Variants in MSANTD3 observed in about 807,000 individuals in gnomAD.
MSANTD3 encodes myb/SANT-like DNA-binding domain-containing protein 3.
In MSANTD3, 11 loss-of-function variants were observed where a neutral mutation model predicts 27.7. That is an observed-to-expected ratio of 0.40 (90% confidence interval 0.25 to 0.66). MSANTD3 has a LOEUF of 0.66. Ranked by LOEUF, MSANTD3 falls within the 30% of genes least tolerant of loss-of-function variation. The pLI, the probability that MSANTD3 is intolerant of heterozygous loss-of-function variation, is 0.41. For missense variants in MSANTD3, 250 were observed against 336.5 expected, an observed-to-expected ratio of 0.74 and a Z score of 2.01; for synonymous variants, 131 against 127.2, an observed-to-expected ratio of 1.03 and a Z score of -0.20.
intron 1 of MSANTD3, among the ~76,000 whole-genome samples, chr9:100,434,314 G>C (rs1452328456): frequency 2.0e-5 from 3 of 152,140 alleles, no homozygotes; most frequent in African/African-American, 4.8e-5. Context: ...GATCACCTGA[G>C]GTCAGGAGTT....
At chr9:100,447,397 A>G (rs548152836) in intron 2 of MSANTD3, among the ~76,000 whole-genome samples, 1 of 152,192 alleles carries the variant, frequency 6.6e-6, no homozygotes, top group African/African-American at 2.4e-5. Context: ...TTTGGATGTT[A>G]GCACACATTT....
chr9:100,435,601 T>A (rs576907568), intron 1 of MSANTD3, among the ~76,000 whole-genome samples: 2 of 152,318 alleles, frequency 1.3e-5, no homozygotes, highest in South Asian at 2.1e-4. Context: ...ATCAAGGTGT[T>A]GGCAAGTTAG....
chr9:100,449,726 G>C (rs149466346), intron 2 of MSANTD3, among the ~76,000 whole-genome samples: 2 of 152,132 alleles, frequency 1.3e-5, no homozygotes, highest in African/African-American at 4.8e-5. Context: ...AGTTTACTTA[G>C]GGCAGATAAG....
Position 100,434,457 on chromosome 9 carries a change from G to C in MSANTD3, c.-34+7064G>C, listed in dbSNP as rs141854779. Among the ~76,000 whole-genome samples the C allele has an allele frequency of 5.9e-3, 902 of 152,182 alleles. 9 individuals are homozygous for C. The highest frequency in any genetic ancestry group is 0.02 in the African/African-American group (841 of 41,530). On this transcript the variant is annotated intron_variant, in intron 1 of 2. Transcript: ENST00000395067. ...AAGCAGGAGTATTGTTTGAACCCAG[G>C]AGGCGGAGGTTGCAGTGAGCCGAGA...
chr9:100,441,639 C>A (rs74396159), intron 1 of MSANTD3, among the ~76,000 whole-genome samples: 16 of 148,494 alleles, frequency 1.1e-4, no homozygotes, highest in Non-Finnish European at 6.0e-5. Flanking sequence ...GACTCCGTTT[C>A]AAAAAAAAAA....
chr9:100,451,226 C>T lies in MSANTD3; in HGVS notation c.*260C>T, dbSNP rs571694304. ...TAATGTCTCTTAATTAGAATTCATACAAGAACCACGTGTGAGTGTTGTTGT... is the reference window on the plus strand; with the variant it reads ...TAATGTCTCTTAATTAGAATTCATATAAGAACCACGTGTGAGTGTTGTTGT... On this transcript the variant is annotated 3_prime_UTR_variant, in exon 3 of 3. Coordinates refer to ENST00000395067, the MANE Select transcript of MSANTD3 (RefSeq NM_080655.3). 4 of 363,946 alleles carry T rather than the reference C, an allele frequency of 1.1e-5. No individual in the cohort carries two copies. Among genetic ancestry groups the T allele is most frequent in the African/African-American group, 8.4e-5 (4 of 47,760 alleles). 22.5% of individuals were successfully genotyped at this position (363,946 alleles called of 1,614,324 possible).
intron 1 of MSANTD3, among the ~76,000 whole-genome samples, chr9:100,429,260 T>G (rs1474610946): frequency 2.0e-5 from 3 of 152,164 alleles, no homozygotes; most frequent in Admixed American, 1.3e-4. Flanking sequence ...AGCAATTGCT[T>G]TGGAGAGATA....
At chr9:100,427,860 G>C (rs779981886) in intron 1 of MSANTD3, among the ~76,000 whole-genome samples, 2 of 152,136 alleles carry the variant, frequency 1.3e-5, no homozygotes, top group Non-Finnish European at 2.9e-5. Context: ...GATGAAGGCC[G>C]AGCATCACAT....
chr9:100,432,884 T>G (rs1836405053), intron 1 of MSANTD3, among the ~76,000 whole-genome samples: 1 of 152,210 alleles, frequency 6.6e-6, no homozygotes. Context: ...AAAACCATTT[T>G]AATGGCAGTG....
chr9:100,438,396 A>T (rs1028417910), intron 1 of MSANTD3, among the ~76,000 whole-genome samples: 2 of 152,098 alleles, frequency 1.3e-5, no homozygotes, highest in African/African-American at 2.4e-5. Flanking sequence ...ATCTTGAAGA[A>T]CTAAAATAGA....
At chr9:100,427,862 G>GCAT (rs1333381718) in intron 1 of MSANTD3, among the ~76,000 whole-genome samples, 1 of 152,134 alleles carries the variant, frequency 6.6e-6, no homozygotes, top group South Asian at 2.1e-4. Flanking sequence ...TGAAGGCCGA[G>GCAT]CATCACATCC....
intron 2 of MSANTD3, 61 bp from the exon 3 acceptor site, chr9:100,450,496 G>A: frequency 9.0e-7 from 1 of 1,112,366 alleles, no homozygotes; most frequent in Non-Finnish European, 1.2e-6. Flanking sequence ...AATAGGATTG[G>A]TTTTTTTTTT....
chr9:100,435,642 G>GT (rs1164476739), intron 1 of MSANTD3, among the ~76,000 whole-genome samples: 4 of 152,310 alleles, frequency 2.6e-5, no homozygotes, highest in African/African-American at 9.6e-5. Context: ...CTGTTGGCTT[G>GT]TAGGTGGTGG....
At chr9:100,436,265 C>T (rs1312875609) in intron 1 of MSANTD3, among the ~76,000 whole-genome samples, 1 of 152,184 alleles carries the variant, frequency 6.6e-6, no homozygotes, top group Non-Finnish European at 1.5e-5. Flanking sequence ...CACCCTGCCT[C>T]AGCCTCCCAA....
chr9:100,432,809 C>T (rs1318839749), intron 1 of MSANTD3, among the ~76,000 whole-genome samples: 2 of 152,206 alleles, frequency 1.3e-5, no homozygotes, highest in Non-Finnish European at 2.9e-5. Flanking sequence ...CCACCAGTCT[C>T]ATAAATAATC....
intron 2 of MSANTD3, chr9:100,444,035 A>C (rs1836694102): frequency 6.6e-6 from 1 of 152,236 alleles, no homozygotes; most frequent in Admixed American, 6.5e-5. Flanking sequence ...AGCAGTCTAA[A>C]GCCAGGAATG....
chr9:100,445,569 T>C (rs1049756539), intron 2 of MSANTD3, among the ~76,000 whole-genome samples: 18 of 152,268 alleles, frequency 1.2e-4, no homozygotes, highest in Non-Finnish European at 2.2e-4. Flanking sequence ...TTTATTTTTC[T>C]AATGTTGCTC....
intron 1 of MSANTD3, among the ~76,000 whole-genome samples, chr9:100,439,604 G>C (rs530282423): frequency 6.6e-6 from 1 of 151,754 alleles, no homozygotes; most frequent in Non-Finnish European, 1.5e-5. Context: ...CCGCCCCCCG[G>C]GGTCAAGCAA....
chr9:100,438,951 T>G (rs1462888366), intron 1 of MSANTD3, among the ~76,000 whole-genome samples: 1 of 152,148 alleles, frequency 6.6e-6, no homozygotes, highest in Non-Finnish European at 1.5e-5. Context: ...TCCCCAAAGA[T>G]AAATGTCCGC....
Sources: gnomAD v4.1 joint callset for allele counts (sites outside exome capture counted in the v4.1 genomes callset) on GRCh38, gnomAD v4.1.1 for gene constraint, MANE v1.5 for transcripts, NCBI Gene and HGNC (gene_info 2026-07-23, HGNC 2026-07-21) for gene names.